Variants in SEPTIN11 observed in about 807,000 individuals in gnomAD.
SEPTIN11 encodes septin-11.
Under a neutral mutation model 51.4 loss-of-function variants are expected in SEPTIN11, and 25 were observed. The observed-to-expected ratio is 0.49, with a 90% CI of 0.35 to 0.68. SEPTIN11 has a LOEUF of 0.68. Ranked by LOEUF, SEPTIN11 falls within the 30% of genes least tolerant of loss-of-function variation. The probability of loss-of-function intolerance (pLI) is 0.00; values close to 1 mark genes in which losing one functional copy is unlikely to be tolerated. For missense variants in SEPTIN11, 381 were observed against 520.8 expected (o/e 0.73, Z 2.61); for synonymous variants, 174 against 184.1 (o/e 0.95, Z 0.44).
At chr4:76,989,568 A>G (rs1306751572) in intron 1 of SEPTIN11, among the ~76,000 whole-genome samples, 3 of 152,234 alleles carry the variant, frequency 2.0e-5, no homozygotes, top group Non-Finnish European at 4.4e-5. Context: ...AATAAAATCC[A>G]TCTGGGCACA....
In SEPTIN11 at chr4:77,035,746, G is replaced by T; in HGVS notation, c.*1234G>T. The stretch of plus-strand genomic sequence containing the variant: ...TTGTCTAAGGCCCTTGCCTCATCAG[G>T]GATTAGAACTGGCCCATATGCCAGA... On this transcript the variant is annotated 3_prime_UTR_variant, in exon 10 of 10. Transcript: ENST00000264893. The T allele has an allele frequency of 1.0e-6, 1 of 985,792 alleles. No homozygotes were observed. 61.1% of individuals were successfully genotyped at this position (985,792 alleles called of 1,614,324 possible). A position where few individuals can be genotyped will look rare whatever the true frequency, so the allele number is the denominator to read the frequency against.
chr4:76,988,418 T>A (rs1480330896), intron 1 of SEPTIN11, among the ~76,000 whole-genome samples: 1 of 152,250 alleles, frequency 6.6e-6, no homozygotes, highest in African/African-American at 2.4e-5. Context: ...GAATATTTGC[T>A]GAATGAATGA....
chr4:76,951,999 T>C lies in SEPTIN11; in HGVS notation c.27+2069T>C, dbSNP rs539041913. On this transcript the variant is annotated intron_variant, in intron 1 of 9. Coordinates refer to ENST00000264893, the MANE Select transcript of SEPTIN11 (RefSeq NM_018243.4). The stretch of plus-strand genomic sequence containing the variant: ...ATTACAATCTAAAGACAGAAGACTT[T>C]TCTTTTGGAAACCTAATGTACGAGT... Among the ~76,000 whole-genome samples the C allele has an allele frequency of 2.6e-5, 4 of 152,326 alleles. No homozygotes were observed. In the East Asian group the frequency reaches 7.7e-4, roughly 29 times the overall value.
chr4:77,037,476 T>TA lies in SEPTIN11; in HGVS notation c.*2965dup, dbSNP rs1190653773. On this transcript the variant is annotated 3_prime_UTR_variant, in exon 10 of 10. Coordinates refer to ENST00000264893, the MANE Select transcript of SEPTIN11 (RefSeq NM_018243.4). ...GGCAAATAAAGCCAGAATGAGAAAT[T>TA]ACCATCTTCTACTAGAGAAAACCAA... is the stretch of plus-strand genomic sequence containing the variant. The TA allele has an allele frequency of 1.0e-6, 1 of 985,328 alleles. No individual in the cohort carries two copies. The highest frequency in any genetic ancestry group is 1.7e-5 in the African/African-American group (1 of 57,352). The allele number at this position is 985,328 out of a possible 1,614,324, so 61.0% of individuals were successfully genotyped here. A position where few individuals can be genotyped will look rare whatever the true frequency, so the allele number is the denominator to read the frequency against.
intron 8 of SEPTIN11, 100 bp downstream of exon 8, chr4:77,028,861 A>G (rs915688074): frequency 7.7e-7 from 1 of 1,296,872 alleles, no homozygotes; most frequent in Non-Finnish European, 1.0e-6. Flanking sequence ...AGTACTTTCT[A>G]CATGCATTTT....
rs1553975097 is a variant in SEPTIN11, at chr4:77,016,639, T to TATACAC, written c.687+1625_687+1626insCACATA. ...ACATATATATATATATACACATATATATATATATATATATATACACATATA... is the reference window on the plus strand; with the variant it reads ...ACATATATATATATATACACATATATATACACATATATATATATATATACACATATA... On this transcript the variant is annotated intron_variant, in intron 5 of 9. Coordinates refer to ENST00000264893, the MANE Select transcript of SEPTIN11 (RefSeq NM_018243.4). Among the ~76,000 whole-genome samples the TATACAC allele has an allele frequency of 1.7e-3, 191 of 110,894 alleles. 13 individuals are homozygous for TATACAC. Among genetic ancestry groups the TATACAC allele is most frequent in the Admixed American group, 2.8e-3 (29 of 10,230 alleles). 72.8% of individuals were successfully genotyped at this position (110,894 alleles called of 152,430 possible). A position where few individuals can be genotyped will look rare whatever the true frequency, so the allele number is the denominator to read the frequency against.
rs1560745038 is a variant in SEPTIN11 at position 77,024,768 on chromosome 4, G to A, written c.954-3861G>A. 6.6e-6 allele frequency among the ~76,000 whole-genome samples: 1 copy of A among 152,212 alleles called. No individual in the cohort carries two copies. The highest frequency in any genetic ancestry group is 1.9e-4 in the East Asian group (1 of 5,194). The stretch of plus-strand genomic sequence containing the variant: ...GTTCTTATCTGAGCAAGGCAGCCTG[G>A]TCTCAGTCCTGGCTCTGTTACTTCT... On this transcript the variant is annotated intron_variant, in intron 7 of 9. Transcript: ENST00000264893. The surrounding 1 kb of genome is among the most constrained non-coding windows in gnomAD (Gnocchi z 4.2).
intron 1 of SEPTIN11, among the ~76,000 whole-genome samples, chr4:76,959,703 AT>A (rs1395740296): frequency 5.9e-5 from 9 of 151,938 alleles, no homozygotes; most frequent in East Asian, 1.9e-4. Flanking sequence ...TTGAAAAAAA[AT>A]AATCAAAGTT....
At chr4:77,029,468 G>A (rs895742712) in intron 8 of SEPTIN11, among the ~76,000 whole-genome samples, 13 of 151,842 alleles carry the variant, frequency 8.6e-5, no homozygotes, top group African/African-American at 2.4e-4. Context: ...AAATTTCCTC[G>A]TTTTCTTGTT....
intron 1 of SEPTIN11, among the ~76,000 whole-genome samples, chr4:76,979,720 CT>C: frequency 6.6e-6 from 1 of 151,842 alleles, no homozygotes; most frequent in Non-Finnish European, 1.5e-5. Flanking sequence ...CCCGTCTCTA[CT>C]AAAAAATACA....
At chr4:76,955,805 C>T (rs543308865) in intron 1 of SEPTIN11, among the ~76,000 whole-genome samples, 74 of 152,132 alleles carry the variant, frequency 4.9e-4, no homozygotes, top group Non-Finnish European at 7.2e-4. Flanking sequence ...CATATGACAA[C>T]GACAATGCTA....
At position 77,005,760 on chromosome 4, in the gene SEPTIN11, C is replaced by A. The variant is rs754798776; in HGVS notation, c.302C>A (p.Thr101Asn). The part of the protein sequence containing the change: ...NVRLKLTIVD[T>N]VGFGDQINKD... Reference sequence around the variant, plus strand: ...CGGCTGAAGTTAACCATTGTTGACACCGTGGGATTTGGAGACCAGATAAAT... The same window carrying A: ...CGGCTGAAGTTAACCATTGTTGACAACGTGGGATTTGGAGACCAGATAAAT... Residue 101 changes from threonine to asparagine, a missense_variant, in exon 3 of 10, where the codon ACC (threonine) becomes AAC (asparagine). Around this residue, in one of 2 missense-constraint regions of SEPTIN11, gnomAD observed 184 missense variants for 207.7 expected, o/e 0.89. Coordinates refer to ENST00000264893, the MANE Select transcript of SEPTIN11 (RefSeq NM_018243.4). The A allele has an allele frequency of 3.1e-6, 5 of 1,613,714 alleles. No homozygotes were observed. Among genetic ancestry groups the A allele is most frequent in the Non-Finnish European group, 4.2e-6 (5 of 1,179,848 alleles).
Position 77,024,220 on chromosome 4 carries a change from C to T in SEPTIN11, c.953+3550C>T, listed in dbSNP as rs568334430. Among the ~76,000 whole-genome samples, 4 of 152,268 alleles carry T rather than the reference C, an allele frequency of 2.6e-5. No homozygotes were observed. Among genetic ancestry groups the T allele is most frequent in the Admixed American group, 2.6e-4 (4 of 15,304 alleles). ...CCACGGCAGTAAAGCTAGCGGAGCC[C>T]GTCCCTGGGGTGCCTTTAAACCCGC... On this transcript the variant is annotated intron_variant, in intron 7 of 9. Coordinates refer to ENST00000264893, the MANE Select transcript of SEPTIN11 (RefSeq NM_018243.4). This position sits in a 1 kb window ranked among gnomAD's most constrained non-coding sequence, Gnocchi z 4.2.
At chr4:77,026,891 C>G (rs1486436605) in intron 7 of SEPTIN11, among the ~76,000 whole-genome samples, 1 of 152,184 alleles carries the variant, frequency 6.6e-6, no homozygotes, top group African/African-American at 2.4e-5. Context: ...GTACACTTCT[C>G]TATATCTCCA....
chr4:77,031,997 A>G (rs949108612), intron 9 of SEPTIN11: 3 of 152,232 alleles, frequency 2.0e-5, no homozygotes, highest in Non-Finnish European at 4.4e-5. Flanking sequence ...CTTTAAACAT[A>G]GAGTACATAG....
At chr4:76,962,364 T>A (rs1721858099) in intron 1 of SEPTIN11, among the ~76,000 whole-genome samples, 2 of 152,270 alleles carry the variant, frequency 1.3e-5, no homozygotes, top group African/African-American at 4.8e-5. Flanking sequence ...ATCTCAATCT[T>A]TAAATGCCTT....
At chr4:76,954,981 TTA>T (rs773554791) in intron 1 of SEPTIN11, among the ~76,000 whole-genome samples, 8 of 37,340 alleles carry the variant, frequency 2.1e-4, no homozygotes, top group African/African-American at 6.7e-4. Flanking sequence ...ATTTATTTAT[TTA>T]TTTTTTTTTG....
chr4:77,028,577 T>G (rs1726358211), intron 7 of SEPTIN11, 52 bp from the exon 8 acceptor site: 1 of 1,508,292 alleles, frequency 6.6e-7, no homozygotes, highest in Non-Finnish European at 8.9e-7. Flanking sequence ...GAACTGAAAT[T>G]TCTTAGTATA....
rs562631265 is a variant in SEPTIN11 at position 76,950,917 on chromosome 4, T to C, written c.27+987T>C. 3.2e-3 allele frequency among the ~76,000 whole-genome samples: 480 copies of C among 152,306 alleles called. 2 individuals carry two copies. Among genetic ancestry groups the C allele is most frequent in the Non-Finnish European group, 4.1e-3 (281 of 67,996 alleles). On this transcript the variant is annotated intron_variant, in intron 1 of 9. Transcript: ENST00000264893. Reference sequence around the variant, plus strand: ...TCCTGTTTTCCCTTTCCCCTTTTCATCGTCGATGTTCACAGTCCACTCGCC... The same window carrying C: ...TCCTGTTTTCCCTTTCCCCTTTTCACCGTCGATGTTCACAGTCCACTCGCC...
Sources: gnomAD v4.1 joint callset for allele counts (sites outside exome capture counted in the v4.1 genomes callset) on GRCh38, gnomAD v4.1.1 for gene constraint, gnomAD v4.1.1 regional missense constraint, Gnocchi (gnomAD v3.1) non-coding constraint, MANE v1.5 for transcripts, NCBI Gene and HGNC (gene_info 2026-07-23, HGNC 2026-07-21) for gene names.